Variants in ATP6V1H observed in about 807,000 individuals in gnomAD.
ATP6V1H encodes the protein V-type proton ATPase subunit H.
Under a neutral mutation model 71.7 loss-of-function variants are expected in ATP6V1H, and 39 were observed. The observed-to-expected ratio is 0.54, with a 90% CI of 0.42 to 0.71. ATP6V1H has a LOEUF of 0.71. Ranked by LOEUF, ATP6V1H falls within the 30% of genes least tolerant of loss-of-function variation. ATP6V1H has a pLI of 0.00. For synonymous variants in ATP6V1H, 192 were observed against 199.3 expected (o/e 0.96, Z 0.31); for missense variants, 509 against 594.9 (o/e 0.86, Z 1.50).
intron 13 of ATP6V1H, among the ~76,000 whole-genome samples, chr8:53,722,618 A>G (rs1213248755): frequency 6.6e-6 from 1 of 152,080 alleles, no homozygotes; most frequent in East Asian, 1.9e-4. Flanking sequence ...CATTTATATC[A>G]CCTTCCACTT....
chr8:53,824,259 G>A (rs1585829728), intron 4 of ATP6V1H, among the ~76,000 whole-genome samples: 1 of 152,044 alleles, frequency 6.6e-6, no homozygotes, highest in South Asian at 2.1e-4. Flanking sequence ...AAAAACAACA[G>A]GTTCAGATGT....
At chr8:53,761,161 CCT>C in intron 11 of ATP6V1H, among the ~76,000 whole-genome samples, 1 of 151,994 alleles carries the variant, frequency 6.6e-6, no homozygotes, top group African/African-American at 2.4e-5. Flanking sequence ...ACGGTGAAAC[CCT>C]GTCTCTACTA....
At chr8:53,810,981 A>G (rs1189458562) in intron 7 of ATP6V1H, among the ~76,000 whole-genome samples, 183 bp downstream of exon 7, 4 of 152,208 alleles carry the variant, frequency 2.6e-5, no homozygotes, top group Non-Finnish European at 5.9e-5. Flanking sequence ...TATGTCTACC[A>G]CAGAAAAGAT....
chr8:53,742,182 T>C (rs992818658), intron 13 of ATP6V1H, among the ~76,000 whole-genome samples: 1 of 152,192 alleles, frequency 6.6e-6, no homozygotes, highest in East Asian at 1.9e-4. Flanking sequence ...GAGTTTGCCC[T>C]TGACCATCCT....
intron 11 of ATP6V1H, among the ~76,000 whole-genome samples, chr8:53,759,890 G>GT (rs2130269622): frequency 6.6e-6 from 1 of 152,300 alleles, no homozygotes; most frequent in South Asian, 2.1e-4. Flanking sequence ...ATTACCTGAC[G>GT]TAAGTGTGGT....
At chr8:53,787,575 A>G (rs1563467198) in intron 9 of ATP6V1H, among the ~76,000 whole-genome samples, 1 of 152,186 alleles carries the variant, frequency 6.6e-6, no homozygotes, top group Non-Finnish European at 1.5e-5. Flanking sequence ...AAAGTATATC[A>G]CTGTAAAAAT....
chr8:53,837,592 A>G (rs893801302), intron 2 of ATP6V1H, among the ~76,000 whole-genome samples: 1 of 152,110 alleles, frequency 6.6e-6, no homozygotes, highest in Non-Finnish European at 1.5e-5. Flanking sequence ...CTAAGGGTGG[A>G]ACTTCTGGAG....
chr8:53,774,961 G>C (rs555418543), intron 9 of ATP6V1H, among the ~76,000 whole-genome samples: 1 of 152,330 alleles, frequency 6.6e-6, no homozygotes, highest in Admixed American at 6.5e-5. Flanking sequence ...CCTATGCAAC[G>C]CAAGTGTGTC....
At chr8:53,819,270 G>A (rs544130015) in intron 4 of ATP6V1H, among the ~76,000 whole-genome samples, 219 of 151,204 alleles carry the variant, frequency 1.4e-3, no homozygotes, top group Admixed American at 4.5e-3. Flanking sequence ...AGTGGCTCAC[G>A]CCTGTAGTCC....
chr8:53,840,078 C>G (rs1811292589), intron 2 of ATP6V1H: 1 of 238,402 alleles, frequency 4.2e-6, no homozygotes, highest in African/African-American at 2.3e-5. Flanking sequence ...TGGCTAAATA[C>G]CCATCATCCT....
At chr8:53,770,257 A>G (rs927794843) in intron 10 of ATP6V1H, among the ~76,000 whole-genome samples, 46 of 152,210 alleles carry the variant, frequency 3.0e-4, no homozygotes, top group African/African-American at 1.1e-3. Flanking sequence ...AAGAGTGTAG[A>G]CATAATTAAT....
Position 53,762,193 on chromosome 8 carries a change from C to G in ATP6V1H, c.1176-5537G>C, listed in dbSNP as rs537362195. ...CAGCACAGATATAAACTACTTCTAT[C>G]ATCACAAAAAGTTCCAATGAAGTTG... On this transcript the variant is annotated intron_variant, in intron 11 of 13. Coordinates refer to ENST00000359530, the MANE Select transcript of ATP6V1H (RefSeq NM_015941.4). Among the ~76,000 whole-genome samples the G allele has an allele frequency of 2.0e-5, 3 of 151,880 alleles. No homozygotes were observed. In the East Asian group the frequency reaches 5.8e-4, roughly 29 times the overall value.
Position 53,817,498 on chromosome 8 carries a change from G to C in ATP6V1H, c.339C>G (p.Asp113Glu), listed in dbSNP as rs1166635957. The change falls in exon 5 of 14, where the codon GAC becomes GAG. Residue 113 changes from aspartate to glutamate, a missense_variant. Physicochemically the swap from Asp to Glu is conservative, Grantham distance 45. Transcript: ENST00000359530. The part of the protein sequence containing the change: ...ENHQRVSIFF[D>E]YARCSKNTAW... ...CAGTGTTCTTGCTACATCTTGCATAGTCAAAGAAAATGCTAACACGCTGAT... is the reference window on the plus strand; with the variant it reads ...CAGTGTTCTTGCTACATCTTGCATACTCAAAGAAAATGCTAACACGCTGAT... 3.1e-6 allele frequency: 5 copies of C among 1,612,548 alleles called. No individual in the cohort carries two copies. The highest frequency in any genetic ancestry group is 4.2e-6 in the Non-Finnish European group (5 of 1,179,210).
chr8:53,827,523 G>A (rs1340283854), intron 4 of ATP6V1H, among the ~76,000 whole-genome samples: 1 of 152,040 alleles, frequency 6.6e-6, no homozygotes, highest in Non-Finnish European at 1.5e-5. Context: ...ACAGTATTCT[G>A]ACTATATACC....
chr8:53,760,221 T>C (rs532193469), intron 11 of ATP6V1H, among the ~76,000 whole-genome samples: 1 of 152,260 alleles, frequency 6.6e-6, no homozygotes, highest in South Asian at 2.1e-4. Context: ...GCATGCACAG[T>C]AAGGTGCAAA....
At chr8:53,734,009 G>A (rs1807115300) in intron 13 of ATP6V1H, among the ~76,000 whole-genome samples, 1 of 152,138 alleles carries the variant, frequency 6.6e-6, no homozygotes. Context: ...CATGTTTGAG[G>A]GCCTTAACAG....
intron 12 of ATP6V1H, among the ~76,000 whole-genome samples, chr8:53,755,687 TATATATATATATATATATATATATA>T (rs1807992579): frequency 6.6e-4 from 2 of 3,020 alleles, no homozygotes; most frequent in African/African-American, 9.5e-4. Flanking sequence ...CCAGCGTACA[TATATATATATATATATATATATATA>T]TATATATATA....
chr8:53,792,845 T>C (rs1809611935), intron 9 of ATP6V1H, among the ~76,000 whole-genome samples: 1 of 152,260 alleles, frequency 6.6e-6, no homozygotes, highest in Non-Finnish European at 1.5e-5. Context: ...ATTAGCATGA[T>C]GGTTAAAAGC....
In ATP6V1H at chr8:53,759,251, A is replaced by G. The variant is rs150810571; in HGVS notation, c.1176-2595T>C. 2.2e-3 allele frequency among the ~76,000 whole-genome samples: 335 copies of G among 152,366 alleles called. 2 individuals carry two copies. Among genetic ancestry groups the G allele is most frequent in the African/African-American group, 7.8e-3 (324 of 41,586 alleles). ...GTTACCCTTCAGGACCATTAAGTCC[A>G]CTGAATATCTTCAGCAACAATGAAA... On this transcript the variant is annotated intron_variant, in intron 11 of 13. Transcript: ENST00000359530.
Sources: gnomAD v4.1 joint callset for allele counts (sites outside exome capture counted in the v4.1 genomes callset) on GRCh38, gnomAD v4.1.1 for gene constraint, MANE v1.5 for transcripts, NCBI Gene and HGNC (gene_info 2026-07-23, HGNC 2026-07-21) for gene names.